The following RPAP3 variants were observed in gnomAD, a reference collection of about 807,000 sequenced individuals.
RPAP3 encodes RNA polymerase II-associated protein 3.
RPAP3 carries 58 observed loss-of-function variants against 88.8 expected under a neutral mutation model. The ratio of observed to expected loss-of-function variants is 0.65; its 90% CI spans 0.53 to 0.81. The LOEUF is 0.81. Ranked by LOEUF, RPAP3 falls within the 40% of genes least tolerant of loss-of-function variation. RPAP3 has a pLI of 0.00. For missense variants in RPAP3, 751 were observed against 764.3 expected (o/e 0.98, Z 0.20); for synonymous variants, 255 against 259.9 (o/e 0.98, Z 0.18).
intron 8 of RPAP3, among the ~76,000 whole-genome samples, chr12:47,687,670 ATAGT>A (rs1342033122): frequency 3.3e-5 from 5 of 152,148 alleles, no homozygotes; most frequent in Non-Finnish European, 5.9e-5. Context: ...AAGTGTTTCT[ATAGT>A]TATTTTTTTA....
chr12:47,695,506 T>C (rs1177364160), intron 5 of RPAP3, among the ~76,000 whole-genome samples: 1 of 152,110 alleles, frequency 6.6e-6, no homozygotes, highest in South Asian at 2.1e-4. Context: ...CAAGGTAACT[T>C]CAAAAATAAT....
At chr12:47,700,236 T>C (rs1268473662) in intron 3 of RPAP3, 2 of 152,010 alleles carry the variant, frequency 1.3e-5, no homozygotes, top group African/African-American at 4.8e-5. Flanking sequence ...TCAGTAAAAA[T>C]GTTAAACAGA....
At chr12:47,698,363 A>G (rs1364377076) in intron 3 of RPAP3, among the ~76,000 whole-genome samples, 1 of 152,134 alleles carries the variant, frequency 6.6e-6, no homozygotes, top group East Asian at 1.9e-4. Context: ...AGCTGCCTCT[A>G]CTAAAGGAAA....
chr12:47,680,199 G>A (rs976984023), intron 10 of RPAP3, among the ~76,000 whole-genome samples: 7 of 152,118 alleles, frequency 4.6e-5, no homozygotes, highest in Non-Finnish European at 1.0e-4. Flanking sequence ...ATAAGCAGAG[G>A]CAAAAGGACA....
intron 15 of RPAP3, among the ~76,000 whole-genome samples, chr12:47,667,392 G>GT (rs1938899877): frequency 6.6e-6 from 1 of 152,012 alleles, no homozygotes; most frequent in African/African-American, 2.4e-5. Context: ...TTTATTGTCT[G>GT]TACTTGTCAT....
intron 13 of RPAP3, 117 bp downstream of exon 13, chr12:47,669,990 G>C: frequency 1.5e-6 from 1 of 672,878 alleles, no homozygotes; most frequent in South Asian, 2.1e-5. Context: ...AGAAACTTAA[G>C]TTAGGCAGTT....
chr12:47,667,542 C>T (rs115855157), intron 15 of RPAP3, among the ~76,000 whole-genome samples: 2,113 of 152,222 alleles, frequency 0.014, 50 homozygotes, highest in African/African-American at 0.048. Flanking sequence ...ACAGTAAATT[C>T]TCACTTAACA....
At position 47,697,700 on chromosome 12, in the gene RPAP3, A is replaced by G. The variant is rs1939561684; in HGVS notation, c.314T>C (p.Leu105Pro). The G allele has an allele frequency of 6.2e-7, 1 of 1,604,870 alleles. No homozygotes were observed. Among genetic ancestry groups the G allele is most frequent in the South Asian group, 1.1e-5 (1 of 88,284 alleles). ...KLDVDRILDE[L>P]DKDDSTHESL... is the part of the protein sequence containing the mutation. ...CTCATGGGTACTATCGTCTTTGTCA[A>G]GCTCATCAAGGATACGGTCCTAAAA... The change falls in exon 4 of 17, where the codon CTT becomes CCT. Residue 105 changes from leucine (L) to proline (P), a missense_variant. Transcript: ENST00000005386.
intron 12 of RPAP3, among the ~76,000 whole-genome samples, chr12:47,676,243 G>C (rs1042232649): frequency 3.3e-5 from 5 of 152,188 alleles, no homozygotes; most frequent in African/African-American, 1.2e-4. Flanking sequence ...CACATTTAAA[G>C]CAGTGTGTAG....
rs1938755475 is a variant in RPAP3, at chr12:47,661,279, A to G, written c.*2226T>C. 6.6e-6 allele frequency: 1 copy of G among 152,162 alleles called. No individual in the cohort carries two copies. The highest frequency in any genetic ancestry group is 1.5e-5 in the Non-Finnish European group (1 of 68,020). The allele number at this position is 152,162 out of a possible 1,614,324, so 9.4% of individuals were successfully genotyped here. ...TGACCCAAAAATGACTTTATTAACC[A>G]CTATGCTATTTTGCAATAAGGCAAC... is the stretch of plus-strand genomic sequence containing the variant. On this transcript the variant is annotated 3_prime_UTR_variant, in exon 17 of 17. Transcript: ENST00000005386.
At chr12:47,681,368 C>T (rs1026374444) in intron 10 of RPAP3, among the ~76,000 whole-genome samples, 1 of 152,190 alleles carries the variant, frequency 6.6e-6, no homozygotes, top group Non-Finnish European at 1.5e-5. Flanking sequence ...GTCCCTTTCG[C>T]TCAACAACAC....
Position 47,667,052 on chromosome 12 carries a change from T to C in RPAP3, c.1840A>G (p.Ile614Val). The C allele has an allele frequency of 6.6e-7, 1 of 1,511,442 alleles. No individual in the cohort carries two copies. Among genetic ancestry groups the C allele is most frequent in the South Asian group, 1.3e-5 (1 of 74,546 alleles). 93.6% of individuals were successfully genotyped at this position (1,511,442 alleles called of 1,614,324 possible). Residue 614 changes from isoleucine (I) to valine (V), a missense_variant, in exon 16 of 17, where the codon ATC (isoleucine) becomes GTC (valine). Coordinates refer to ENST00000005386, the MANE Select transcript of RPAP3 (RefSeq NM_024604.3). ...EKEKPLLIFEILQRLSELKRF... is the reference protein window; with the variant it reads ...EKEKPLLIFEVLQRLSELKRF... ...TTTAGTTCAGAAAGTCTTTGTAAGATTTCAAAGATGAGTAATGGCTTTTCT... is the reference window on the plus strand; with the variant it reads ...TTTAGTTCAGAAAGTCTTTGTAAGACTTCAAAGATGAGTAATGGCTTTTCT...
At chr12:47,663,633 A>T (rs1592464533) in intron 16 of RPAP3, 43 bp from the exon 17 acceptor site, 2 of 1,207,552 alleles carry the variant, frequency 1.7e-6, no homozygotes, top group South Asian at 1.4e-5. Context: ...CTCATTTTTT[A>T]AAAACCAAGC....
In RPAP3 at chr12:47,686,883, T is replaced by A; in HGVS notation, c.889A>T (p.Lys297Ter). ...TAGCATTCAATTGCTCTTTCATATTTCCCCTCTTTGAAAAATCCATTCCCC... is the reference window on the plus strand; with the variant it reads ...TAGCATTCAATTGCTCTTTCATATTACCCCTCTTTGAAAAATCCATTCCCC... ...DRGNGFFKEG[K>*]YERAIECYTR... Residue 297 changes from lysine to a stop codon, truncating the protein, a stop_gained, in exon 9 of 17, where the codon AAA becomes TAA. Coordinates refer to ENST00000005386, the MANE Select transcript of RPAP3 (RefSeq NM_024604.3). LOFTEE classifies it high-confidence loss of function. The A allele has an allele frequency of 1.2e-6, 2 of 1,600,384 alleles. No individual in the cohort carries two copies. Among genetic ancestry groups the A allele is most frequent in the Non-Finnish European group, 1.7e-6 (2 of 1,171,918 alleles).
Position 47,669,039 on chromosome 12 carries a change from T to C in RPAP3, c.1590A>G (p.Ile530Met). ...TGGCAAACTGAGCAGGTTTTTGTTC[T>C]ATCTCTATGGGCATTTTCTCGCTGT... ...QSYSEKMPIE[I>M]EQKPAQFATT... Residue 530 changes from isoleucine to methionine, a missense_variant, in exon 14 of 17, where the codon ATA becomes ATG. Coordinates refer to ENST00000005386, the MANE Select transcript of RPAP3 (RefSeq NM_024604.3). The C allele has an allele frequency of 6.2e-7, 1 of 1,614,016 alleles. No individual in the cohort carries two copies. The highest frequency in any genetic ancestry group is 8.5e-7 in the Non-Finnish European group (1 of 1,179,884).
chr12:47,662,923 C>T lies in RPAP3; in HGVS notation c.*582G>A, dbSNP rs1444047962. The stretch of plus-strand genomic sequence containing the variant: ...AACATGGATATCTTAAGGGAAAAAA[C>T]CCTATGGCATTAAAATGTAAGAATA... On this transcript the variant is annotated 3_prime_UTR_variant, in exon 17 of 17. Coordinates refer to ENST00000005386, the MANE Select transcript of RPAP3 (RefSeq NM_024604.3). 1.3e-5 allele frequency: 2 copies of T among 152,188 alleles called. No individual in the cohort carries two copies. Among genetic ancestry groups the T allele is most frequent in the Non-Finnish European group, 2.9e-5 (2 of 68,044 alleles). The allele number at this position is 152,188 out of a possible 1,614,324, so 9.4% of individuals were successfully genotyped here. A position where few individuals can be genotyped will look rare whatever the true frequency, so the allele number is the denominator to read the frequency against.
At chr12:47,703,005 T>C (rs1278656943) in intron 1 of RPAP3, among the ~76,000 whole-genome samples, 159 bp from the exon 2 acceptor site, 1 of 152,194 alleles carries the variant, frequency 6.6e-6, no homozygotes, top group Non-Finnish European at 1.5e-5. Flanking sequence ...AATATAATAT[T>C]TTAAAAATAA....
chr12:47,701,084 A>C (rs1939645891), intron 3 of RPAP3: 1 of 154,750 alleles, frequency 6.5e-6, no homozygotes, highest in African/African-American at 2.4e-5. Flanking sequence ...AACCATACAC[A>C]CACTGTACCA....
In RPAP3 at chr12:47,662,093, G is replaced by C. The variant is rs1009313973; in HGVS notation, c.*1412C>G. On this transcript the variant is annotated 3_prime_UTR_variant, in exon 17 of 17. Transcript: ENST00000005386. ...TATGTGTCCTTACATGGTGTAATTG[G>C]TGAACAAGCTCTCTGGGGCCTCTTT... 2.0e-5 allele frequency: 3 copies of C among 152,106 alleles called. No homozygotes were observed. The allele number at this position is 152,106 out of a possible 1,614,324, so 9.4% of individuals were successfully genotyped here.
Sources: allele counts gnomAD v4.1 joint callset (sites outside exome capture counted in the v4.1 genomes callset), GRCh38; gene constraint gnomAD v4.1.1; transcripts MANE v1.5; gene names NCBI Gene and HGNC (gene_info 2026-07-23, HGNC 2026-07-21).